The following ESR1 variants were observed in gnomAD, a reference collection of about 807,000 sequenced individuals.
ESR1 encodes the protein estrogen receptor 1.
A neutral mutation model predicts 52.7 loss-of-function variants in ESR1; 12 were observed. That is an observed-to-expected ratio of 0.23 (90% CI 0.15 to 0.37). The LOEUF (loss-of-function observed/expected upper bound fraction) is 0.37. Ranked by LOEUF, ESR1 falls within the 10% of genes least tolerant of loss-of-function variation. The probability of loss-of-function intolerance (pLI) is 1.00; values close to 1 mark genes in which losing one functional copy is unlikely to be tolerated. For missense variants in ESR1, 584 were observed against 779.7 expected (o/e 0.75, Z 2.99); for synonymous variants, 305 against 316.8 (o/e 0.96, Z 0.39).
chr6:151,685,107 C>CTTTTTT lies in ESR1; in HGVS notation n.74-16736_74-16731dup, dbSNP rs772122906. Among the ~76,000 whole-genome samples, 62 of 72,950 alleles carry CTTTTTT rather than the reference C, an allele frequency of 8.5e-4. 8 individuals carry two copies. Among genetic ancestry groups the CTTTTTT allele is most frequent in the Non-Finnish European group, 1.3e-3 (50 of 39,730 alleles). The allele number at this position is 72,950 out of a possible 152,430, so 47.9% of individuals were successfully genotyped here. On this transcript the variant is annotated intron_variant and non_coding_transcript_variant, in intron 1 of 2. Coordinates refer to the ESR1 transcript ENST00000473497. Reference sequence around the variant, plus strand: ...TATCATTTTTGTCTGACACTGGCCTCTTTTTTTTTTTTTTTTTTTTTTTTT... The same window carrying CTTTTTT: ...TATCATTTTTGTCTGACACTGGCCTCTTTTTTTTTTTTTTTTTTTTTTTTTTTTTTT...
intron 4 of ESR1, among the ~76,000 whole-genome samples, chr6:152,000,867 T>C (rs1204911190): frequency 6.6e-6 from 1 of 152,096 alleles, no homozygotes; most frequent in Non-Finnish European, 1.5e-5. Context: ...CTTTGCAATC[T>C]TGAAGACCGA....
At position 151,798,386 on chromosome 6, in the gene ESR1, A is replaced by G. The variant is rs374758815; in HGVS notation, c.-70-9457A>G. 5.9e-5 allele frequency among the ~76,000 whole-genome samples: 9 copies of G among 152,176 alleles called. No individual in the cohort carries two copies. In the East Asian group the frequency reaches 9.6e-4, roughly 16 times the overall value. On this transcript the variant is annotated intron_variant, in intron 2 of 2. Coordinates refer to the ESR1 transcript ENST00000404742. The stretch of plus-strand genomic sequence containing the variant: ...CAGGGTGAGAAAAGGGAACAAATTT[A>G]CAATTTGTGCCATTAGCCATTTATT...
chr6:151,726,611 C>T (rs1317222929), intron 2 of ESR1, among the ~76,000 whole-genome samples: 4 of 152,234 alleles, frequency 2.6e-5, no homozygotes, highest in Admixed American at 2.6e-4. Context: ...GCTGGGATTA[C>T]AGGCGCAAGC....
chr6:151,725,980 G>C (rs1455551304), intron 2 of ESR1, among the ~76,000 whole-genome samples: 1 of 152,194 alleles, frequency 6.6e-6, no homozygotes, highest in Non-Finnish European at 1.5e-5. Context: ...TTGGATGAGT[G>C]GATTTGGGCA....
rs1338868479 is a variant in ESR1 at position 151,852,663 on chromosome 6, T to G, written c.643+9876T>G. On this transcript the variant is annotated intron_variant, in intron 2 of 7. Transcript: ENST00000206249. ...TGTTTTTTTTTTTTTTTTTGCAGAT[T>G]ATTTATACTGTGGCAGTTCATAGCC... 1.1e-4 allele frequency among the ~76,000 whole-genome samples: 15 copies of G among 142,800 alleles called. No individual in the cohort carries two copies. In the East Asian group the frequency reaches 2.7e-3, roughly 26 times the overall value. 93.7% of individuals were successfully genotyped at this position (142,800 alleles called of 152,430 possible). A position where few individuals can be genotyped will look rare whatever the true frequency, so the allele number is the denominator to read the frequency against.
chr6:151,825,586 T>C (rs3866461), intron 1 of ESR1, among the ~76,000 whole-genome samples: 34,377 of 151,916 alleles, frequency 0.23, 4,892 homozygotes, highest in African/African-American at 0.41. Flanking sequence ...ATGGAAGGCA[T>C]GTTTGGGAGT....
intron 1 of ESR1, among the ~76,000 whole-genome samples, chr6:151,664,792 ATGTAT>A (rs1453670512): frequency 6.6e-6 from 1 of 152,184 alleles, no homozygotes; most frequent in African/African-American, 2.4e-5. Flanking sequence ...ATTAAGAAAA[ATGTAT>A]TGTGTCTGTG....
At chr6:151,962,506 G>A (rs2037785252) in intron 4 of ESR1, among the ~76,000 whole-genome samples, 1 of 152,072 alleles carries the variant, frequency 6.6e-6, no homozygotes, top group African/African-American at 2.4e-5. Flanking sequence ...TTTCAAATGG[G>A]ATCTTTTACT....
At chr6:151,685,358 C>A (rs1778624432) in intron 1 of ESR1, among the ~76,000 whole-genome samples, 1 of 151,896 alleles carries the variant, frequency 6.6e-6, no homozygotes, top group African/African-American at 2.4e-5. Flanking sequence ...TGGTCTCGAT[C>A]TCCTGACCTC....
intron 1 of ESR1, among the ~76,000 whole-genome samples, chr6:151,823,354 T>C (rs1392750257): frequency 6.6e-6 from 1 of 151,414 alleles, no homozygotes; most frequent in Non-Finnish European, 1.5e-5. Context: ...GACATAGGTT[T>C]AGATTAAACC....
chr6:151,915,641 T>C (rs1401685453), intron 3 of ESR1, among the ~76,000 whole-genome samples: 2 of 152,220 alleles, frequency 1.3e-5, no homozygotes, highest in Non-Finnish European at 2.9e-5. Flanking sequence ...CTTTAGTATG[T>C]TCTACTTATC....
At chr6:152,030,367 A>G (rs2044575249) in intron 5 of ESR1, among the ~76,000 whole-genome samples, 1 of 152,100 alleles carries the variant, frequency 6.6e-6, no homozygotes, top group Admixed American at 6.5e-5. Context: ...GTCAAGACCC[A>G]TCAGCGTGCT....
chr6:152,063,687 G>T (rs973776945), intron 6 of ESR1, among the ~76,000 whole-genome samples: 2 of 152,182 alleles, frequency 1.3e-5, no homozygotes, highest in Non-Finnish European at 2.9e-5. Context: ...CTGATACGGG[G>T]CAGCTCTACC....
chr6:151,812,849 C>G (rs942134816), intron 1 of ESR1, among the ~76,000 whole-genome samples: 1 of 152,022 alleles, frequency 6.6e-6, no homozygotes, highest in East Asian at 1.9e-4. Context: ...AATACAGCCA[C>G]TTGAAACCAG....
At position 151,826,078 on chromosome 6, in the gene ESR1, G is replaced by C. The variant is rs555697709; in HGVS notation, c.453-16519G>C. Among the ~76,000 whole-genome samples, 28 of 152,132 alleles carry C rather than the reference G, an allele frequency of 1.8e-4. No individual in the cohort carries two copies. The South Asian group carries it at 5.8e-3, about 32-fold the overall frequency. ...AGCAGAAAGCCCTGGGATGCGGGGA[G>C]GGGGGTGGCGGGGAAGGAATTGAAA... is the stretch of plus-strand genomic sequence containing the variant. On this transcript the variant is annotated intron_variant, in intron 1 of 7. Transcript: ENST00000206249.
chr6:151,827,517 C>T (rs570077578), intron 1 of ESR1, among the ~76,000 whole-genome samples: 18 of 152,128 alleles, frequency 1.2e-4, no homozygotes, highest in African/African-American at 4.3e-4. Context: ...TTATTGTGAA[C>T]GTTTTCAAAT....
chr6:151,780,441 T>C (rs1057111354), intron 2 of ESR1, among the ~76,000 whole-genome samples: 1 of 152,174 alleles, frequency 6.6e-6, no homozygotes, highest in Non-Finnish European at 1.5e-5. Context: ...TTTTCTTATT[T>C]AACTCAGTAG....
chr6:151,855,037 C>T (rs1481866381), intron 2 of ESR1, among the ~76,000 whole-genome samples: 1 of 152,150 alleles, frequency 6.6e-6, no homozygotes, highest in Non-Finnish European at 1.5e-5. Context: ...CCTCAGCCTC[C>T]AGAGTAGCTG....
chr6:151,813,506 C>A (rs1329338865), intron 1 of ESR1: 1 of 152,100 alleles, frequency 6.6e-6, no homozygotes, highest in African/African-American at 2.4e-5. Context: ...TCCTTTAAAT[C>A]TACTTGGCTC....
Sources: gnomAD v4.1 joint callset for allele counts (sites outside exome capture counted in the v4.1 genomes callset) on GRCh38, gnomAD v4.1.1 for gene constraint, MANE v1.5 for transcripts, NCBI Gene and HGNC (gene_info 2026-07-23, HGNC 2026-07-21) for gene names.